SGIP1: variants seen among roughly 807,000 people sequenced by gnomAD.
SGIP1 encodes the protein SH3GL interacting endocytic adaptor 1, also known as SH3-containing GRB2-like protein 3-interacting protein 1.
A neutral mutation model predicts 107.5 loss-of-function variants in SGIP1; 38 were observed. That is an observed-to-expected ratio of 0.35 (90% CI 0.27 to 0.46). The LOEUF (loss-of-function observed/expected upper bound fraction) is 0.46, where lower values mean the gene tolerates loss of function less well. Among genes scored for constraint, SGIP1 ranks in the 20% least tolerant of loss-of-function variants. The pLI is 1.00. For synonymous variants in SGIP1, 365 were observed against 366.1 expected, an observed-to-expected ratio of 1.00 and a Z score of 0.03; for missense variants, 929 against 1,019.5, an observed-to-expected ratio of 0.91 and a Z score of 1.21.
intron 8 of SGIP1, 47 bp from the exon 9 acceptor site, chr1:66,667,483 A>C: frequency 6.3e-7 from 1 of 1,593,396 alleles, no homozygotes; most frequent in Non-Finnish European, 8.6e-7. Context: ...CTGATCCATC[A>C]TTCTCTGACT....
chr1:66,668,946 G>A (rs1196895368), intron 9 of SGIP1, among the ~76,000 whole-genome samples: 2 of 152,164 alleles, frequency 1.3e-5, no homozygotes, highest in African/African-American at 4.8e-5. Context: ...TTGTGTGGTC[G>A]ACATCACCTC....
chr1:66,636,319 C>T (rs996186151), intron 4 of SGIP1, among the ~76,000 whole-genome samples: 2 of 152,154 alleles, frequency 1.3e-5, no homozygotes, highest in African/African-American at 4.8e-5. Flanking sequence ...TATAAAGAAG[C>T]CTTTGGCTAT....
chr1:66,659,950 A>AAGAAAAAGAAAGAAAG (rs752459188), intron 7 of SGIP1, among the ~76,000 whole-genome samples: 1 of 43,038 alleles, frequency 2.3e-5, no homozygotes, highest in Non-Finnish European at 3.6e-5. Context: ...AAAAGAAAGA[A>AAGAAAAAGAAAGAAAG]AAAGAAAGAA....
intron 18 of SGIP1, among the ~76,000 whole-genome samples, chr1:66,702,650 C>T (rs1003595380): frequency 6.6e-6 from 1 of 152,088 alleles, no homozygotes; most frequent in African/African-American, 2.4e-5. Context: ...CTAAAGTGGC[C>T]TCTTGGGTGT....
chr1:66,690,916 A>G (rs1167987044), intron 17 of SGIP1, among the ~76,000 whole-genome samples: 2 of 152,100 alleles, frequency 1.3e-5, no homozygotes, highest in African/African-American at 4.8e-5. Flanking sequence ...CTCTTTCCTT[A>G]TGCTGTGACG....
At position 66,659,884 on chromosome 1, in the gene SGIP1, A is replaced by G. The variant is rs767354855; in HGVS notation, c.460-629A>G. 2.4e-4 allele frequency among the ~76,000 whole-genome samples: 36 copies of G among 149,516 alleles called. No individual in the cohort carries two copies. The South Asian group carries it at 7.3e-3, about 30-fold the overall frequency. ...ATGATTATGCCACTGCACTCCTCCC[A>G]GGGCACAGAGCAAGACAGACTCTGT... On this transcript the variant is annotated intron_variant, in intron 7 of 24. Coordinates refer to ENST00000371037, the MANE Select transcript of SGIP1 (RefSeq NM_032291.4).
chr1:66,626,539 G>T (rs2072828463), intron 2 of SGIP1, among the ~76,000 whole-genome samples: 1 of 152,226 alleles, frequency 6.6e-6, no homozygotes, highest in Admixed American at 6.5e-5. Context: ...CTGAAAATGT[G>T]CAATGACATA....
chr1:66,706,892 T>C (rs1021604922), intron 18 of SGIP1, among the ~76,000 whole-genome samples: 3 of 152,182 alleles, frequency 2.0e-5, no homozygotes, highest in African/African-American at 7.2e-5. Flanking sequence ...TATTTACAAA[T>C]AGCTCACAGT....
At chr1:66,540,117 C>G (rs1179245309) in intron 1 of SGIP1, among the ~76,000 whole-genome samples, 1 of 151,994 alleles carries the variant, frequency 6.6e-6, no homozygotes, top group Non-Finnish European at 1.5e-5. Flanking sequence ...GAAAAAAATG[C>G]TCAAATATGT....
chr1:66,644,730 C>T (rs148060909), intron 7 of SGIP1, among the ~76,000 whole-genome samples: 3 of 152,218 alleles, frequency 2.0e-5, no homozygotes, highest in Non-Finnish European at 2.9e-5. Context: ...TATAATGACG[C>T]TTTCTTTAGT....
intron 12 of SGIP1, among the ~76,000 whole-genome samples, chr1:66,676,271 A>G (rs2149910449): frequency 1.3e-5 from 2 of 152,324 alleles, no homozygotes; most frequent in South Asian, 4.1e-4. Flanking sequence ...TAGACAACAT[A>G]ATGAATTACA....
At chr1:66,658,402 G>A (rs1433847749) in intron 7 of SGIP1, among the ~76,000 whole-genome samples, 1 of 152,232 alleles carries the variant, frequency 6.6e-6, no homozygotes, top group Admixed American at 6.5e-5. Context: ...AACAGGCAGA[G>A]AAATTAACAG....
intron 8 of SGIP1, among the ~76,000 whole-genome samples, chr1:66,663,755 G>A (rs1212429355): frequency 6.6e-6 from 1 of 152,000 alleles, no homozygotes; most frequent in Admixed American, 6.6e-5. Flanking sequence ...TTACAAGGTT[G>A]TCTTTTACTA....
intron 9 of SGIP1, among the ~76,000 whole-genome samples, chr1:66,669,528 C>A (rs1052139505): frequency 1.3e-5 from 2 of 152,192 alleles, no homozygotes; most frequent in East Asian, 3.8e-4. Context: ...TCTGAGGGTT[C>A]ATAACCCAGA....
At chr1:66,589,977 C>T (rs1018799291) in intron 1 of SGIP1, among the ~76,000 whole-genome samples, 3 of 152,110 alleles carry the variant, frequency 2.0e-5, no homozygotes, top group African/African-American at 7.2e-5. Flanking sequence ...TCTTTGTTCC[C>T]TGTGTGTGAG....
chr1:66,644,081 A>T (rs1191520187), intron 7 of SGIP1: 4 of 155,082 alleles, frequency 2.6e-5, no homozygotes, highest in African/African-American at 2.4e-5. Flanking sequence ...AGTGATTTTT[A>T]AAAACACATC....
rs1000871045 is a variant in SGIP1, at chr1:66,605,864, G to A, written c.11-19983G>A. Among the ~76,000 whole-genome samples the A allele has an allele frequency of 2.6e-5, 4 of 152,036 alleles. No individual in the cohort carries two copies. The East Asian group carries it at 5.8e-4, about 22-fold the overall frequency. On this transcript the variant is annotated intron_variant, in intron 1 of 24. Coordinates refer to ENST00000371037, the MANE Select transcript of SGIP1 (RefSeq NM_032291.4). ...GAGAAAAGGCAGTGTGAGTCTGAAC[G>A]CTCCCGGACTGAGGCCCAGTTTTCC...
chr1:66,541,639 A>C (rs2054978587), intron 1 of SGIP1, among the ~76,000 whole-genome samples: 1 of 152,196 alleles, frequency 6.6e-6, no homozygotes, highest in African/African-American at 2.4e-5. Context: ...TTTTTGGTTC[A>C]TATCCACTTC....
At chr1:66,635,648 G>A (rs943443170) in intron 3 of SGIP1, among the ~76,000 whole-genome samples, 18 of 152,168 alleles carry the variant, frequency 1.2e-4, no homozygotes, top group Admixed American at 2.6e-4. Flanking sequence ...TAAATTAAAT[G>A]CTGGCTGTAT....
Sources: allele counts gnomAD v4.1 joint callset (sites outside exome capture counted in the v4.1 genomes callset), GRCh38; gene constraint gnomAD v4.1.1; transcripts MANE v1.5; gene names NCBI Gene and HGNC (gene_info 2026-07-23, HGNC 2026-07-21).